MCC: variants seen among roughly 807,000 people sequenced by gnomAD.
MCC encodes the protein colorectal mutant cancer protein.
In MCC, 90 loss-of-function variants were observed where a neutral mutation model predicts 116.2. The observed-to-expected ratio is 0.77, with a 90% CI of 0.65 to 0.92. The LOEUF (loss-of-function observed/expected upper bound fraction) is 0.92. Among genes scored for constraint, MCC ranks in the 40% least tolerant of loss-of-function variants. The probability of loss-of-function intolerance (pLI) is 0.00; values close to 1 mark genes in which losing one functional copy is unlikely to be tolerated. For missense variants in MCC, 1,516 were observed against 1,312.2 expected (o/e 1.16, Z -2.40); for synonymous variants, 578 against 510.5 (o/e 1.13, Z -1.78).
At chr5:113,302,214 C>G (rs999628606) in intron 3 of MCC, among the ~76,000 whole-genome samples, 1 of 152,126 alleles carries the variant, frequency 6.6e-6, no homozygotes, top group Non-Finnish European at 1.5e-5. Flanking sequence ...CCTACAGAGC[C>G]ACCTTAGCAG....
At chr5:113,083,078 A>C (rs1319125547) in intron 10 of MCC, 70 bp from the exon 11 acceptor site, 1 of 1,451,496 alleles carries the variant, frequency 6.9e-7, no homozygotes, top group Non-Finnish European at 9.4e-7. Context: ...CATGCAAAAG[A>C]ATTTAAAGCT....
chr5:113,422,818 C>T (rs957860115), intron 1 of MCC, among the ~76,000 whole-genome samples: 1 of 152,158 alleles, frequency 6.6e-6, no homozygotes, highest in African/African-American at 2.4e-5. Context: ...ACAGAGACTT[C>T]TAGTTATACT....
In MCC at chr5:113,315,697, A is replaced by T. The variant is rs1444407009; in HGVS notation, c.627+24822T>A. 5.6e-5 allele frequency among the ~76,000 whole-genome samples: 6 copies of T among 106,418 alleles called. No homozygotes were observed. In the South Asian group the frequency reaches 1.5e-3, roughly 26 times the overall value. The allele number at this position is 106,418 out of a possible 152,430, so 69.8% of individuals were successfully genotyped here. A position where few individuals can be genotyped will look rare whatever the true frequency, so the allele number is the denominator to read the frequency against. ...AGCCTGGGCAAGATGGCAAAACCCC[A>T]TCTCTACAAAAAAAAAAAAAAAAAA... is the stretch of plus-strand genomic sequence containing the variant. On this transcript the variant is annotated intron_variant, in intron 3 of 18. Transcript: ENST00000408903.
intron 2 of MCC, among the ~76,000 whole-genome samples, chr5:113,376,548 A>G (rs1768983128): frequency 6.6e-6 from 1 of 150,836 alleles, no homozygotes; most frequent in African/African-American, 2.5e-5. Context: ...TAAGACACAC[A>G]TGAATCTCCT....
At chr5:113,133,004 C>A (rs1297264615) in intron 5 of MCC, among the ~76,000 whole-genome samples, 2 of 149,048 alleles carry the variant, frequency 1.3e-5, no homozygotes, top group African/African-American at 2.5e-5. Flanking sequence ...CTATAACTTT[C>A]TTTTTTTTTT....
At chr5:113,155,302 C>T (rs1320678517) in intron 3 of MCC, among the ~76,000 whole-genome samples, 4 of 152,176 alleles carry the variant, frequency 2.6e-5, no homozygotes, top group African/African-American at 9.7e-5. Flanking sequence ...ACACTTAGGT[C>T]GATTCCGTAT....
chr5:113,065,604 G>C (rs1753550011), intron 13 of MCC, among the ~76,000 whole-genome samples: 1 of 152,200 alleles, frequency 6.6e-6, no homozygotes. Context: ...CCGAGGCCCA[G>C]AGAAACTCCT....
intron 3 of MCC, among the ~76,000 whole-genome samples, chr5:113,160,220 C>T (rs1760406977): frequency 6.6e-6 from 1 of 152,204 alleles, no homozygotes; most frequent in African/African-American, 2.4e-5. Context: ...CTTAAAGCCA[C>T]ACCTCCCCTT....
At chr5:113,330,598 T>C (rs572585544) in intron 3 of MCC, among the ~76,000 whole-genome samples, 1 of 152,334 alleles carries the variant, frequency 6.6e-6, no homozygotes, top group African/African-American at 2.4e-5. Flanking sequence ...GCCAAGCAGC[T>C]ACTCTGTTTT....
intron 8 of MCC, among the ~76,000 whole-genome samples, chr5:113,093,121 A>G (rs760485804): frequency 5.9e-5 from 9 of 152,244 alleles, no homozygotes; most frequent in Admixed American, 1.3e-4. Context: ...ATAAATTAAA[A>G]GTAATGCAAA....
At chr5:113,066,416 C>A (rs556514365) in intron 13 of MCC, among the ~76,000 whole-genome samples, 1 of 152,208 alleles carries the variant, frequency 6.6e-6, no homozygotes, top group East Asian at 1.9e-4. Flanking sequence ...AGTTAAAAGA[C>A]CCTGAAAAAT....
Position 113,434,699 on chromosome 5 carries a change from C to T in MCC, c.171-49487G>A, listed in dbSNP as rs1305848663. ...ATTTCTCCAAGAAGTCTGCGGGGGC[C>T]TTCTTGCGGTCGATGATCTTGATCG... is the stretch of plus-strand genomic sequence containing the variant. On this transcript the variant is annotated intron_variant, in intron 1 of 18. Coordinates refer to ENST00000408903, the MANE Select transcript of MCC (RefSeq NM_001085377.2). The surrounding 1 kb of genome is among the most constrained non-coding windows in gnomAD (Gnocchi z 4.2). 1 of 1,613,914 alleles carries T rather than the reference C, an allele frequency of 6.2e-7. No individual in the cohort carries two copies. The highest frequency in any genetic ancestry group is 2.2e-5 in the East Asian group (1 of 44,894).
chr5:113,434,609 CT>C lies in MCC; in HGVS notation c.171-49398del. On this transcript the variant is annotated intron_variant, in intron 1 of 18. Coordinates refer to ENST00000408903, the MANE Select transcript of MCC (RefSeq NM_001085377.2). This position sits in a 1 kb window ranked among gnomAD's most constrained non-coding sequence, Gnocchi z 4.2. ...CCTTGCCATGTGATGTCTCAAAGAT[CT>C]CGTAGGTCTTAATGATGGAGCAGTG... The C allele has an allele frequency of 6.2e-7, 1 of 1,613,896 alleles. No individual in the cohort carries two copies. The highest frequency in any genetic ancestry group is 8.5e-7 in the Non-Finnish European group (1 of 1,179,878).
At chr5:113,105,916 G>A (rs1756703169) in intron 6 of MCC, among the ~76,000 whole-genome samples, 1 of 152,228 alleles carries the variant, frequency 6.6e-6, no homozygotes, top group Non-Finnish European at 1.5e-5. Flanking sequence ...GATGTGCTCA[G>A]TTCAGGCTGC....
At chr5:113,336,224 T>C (rs1767864979) in intron 3 of MCC, among the ~76,000 whole-genome samples, 2 of 151,672 alleles carry the variant, frequency 1.3e-5, no homozygotes, top group South Asian at 4.1e-4. Flanking sequence ...CTTAATACTG[T>C]TATAATGGCA....
At chr5:113,289,980 T>G (rs1766420164) in intron 3 of MCC, among the ~76,000 whole-genome samples, 1 of 152,194 alleles carries the variant, frequency 6.6e-6, no homozygotes, top group African/African-American at 2.4e-5. Flanking sequence ...AAAGGGTGTG[T>G]GAATACTAGG....
chr5:113,427,386 C>T (rs2150409454), intron 1 of MCC, among the ~76,000 whole-genome samples: 1 of 152,250 alleles, frequency 6.6e-6, no homozygotes, highest in East Asian at 1.9e-4. Context: ...GATTTCTGTA[C>T]ATGGAAGAAA....
Position 113,053,886 on chromosome 5 carries a change from T to C in MCC, c.2287A>G (p.Ile763Val). 2 of 1,614,168 alleles carry C rather than the reference T, an allele frequency of 1.2e-6. No individual in the cohort carries two copies. The highest frequency in any genetic ancestry group is 1.7e-6 in the Non-Finnish European group (2 of 1,180,026). The change falls in exon 15 of 19, where the codon ATC (isoleucine) becomes GTC (valine). Residue 763 changes from isoleucine to valine, a missense_variant. Ile to Val is a conservative substitution (Grantham distance 29). Transcript: ENST00000408903. Reference sequence around the variant, plus strand: ...GCCCTGTCATTCTTGAGCTGCTGGATATAATCCTTCAGCCTCTGCTCGTCT... The same window carrying C: ...GCCCTGTCATTCTTGAGCTGCTGGACATAATCCTTCAGCCTCTGCTCGTCT... The part of the protein sequence containing the change: ...KEDEQRLKDY[I>V]QQLKNDRAAV...
chr5:113,363,923 G>A (rs141724118), intron 2 of MCC, among the ~76,000 whole-genome samples: 33 of 152,126 alleles, frequency 2.2e-4, no homozygotes, highest in African/African-American at 7.7e-4. Context: ...CTTCCAAAAC[G>A]AAGAAATAGG....
Sources: gnomAD v4.1 joint callset for allele counts (sites outside exome capture counted in the v4.1 genomes callset) on GRCh38, gnomAD v4.1.1 for gene constraint, Gnocchi (gnomAD v3.1) non-coding constraint, MANE v1.5 for transcripts, NCBI Gene and HGNC (gene_info 2026-07-23, HGNC 2026-07-21) for gene names.